Variants in MON1A observed in about 807,000 individuals in gnomAD.
The protein encoded by MON1A is MON1 vesicular trafficking associated A.
MON1A carries 29 observed loss-of-function variants against 44.6 expected under a neutral mutation model. The ratio of observed to expected loss-of-function variants is 0.65; its 90% CI spans 0.48 to 0.89. The LOEUF (loss-of-function observed/expected upper bound fraction) is 0.89, where lower values mean the gene tolerates loss of function less well. Ranked by LOEUF, MON1A falls within the 40% of genes least tolerant of loss-of-function variation. MON1A has a pLI of 0.00. For synonymous variants in MON1A, 275 were observed against 316.4 expected (o/e 0.87, Z 1.39); for missense variants, 615 against 759.6 (o/e 0.81, Z 2.24).
chr3:49,924,577 G>T, intron 1 of MON1A: 1 of 258,736 alleles, frequency 3.9e-6, no homozygotes, highest in Non-Finnish European at 8.2e-6. Flanking sequence ...TGCTTGGGAG[G>T]CTAAGGTATG....
chr3:49,923,081 T>G (rs1250525285), intron 1 of MON1A, among the ~76,000 whole-genome samples: 2 of 151,574 alleles, frequency 1.3e-5, no homozygotes, highest in Non-Finnish European at 2.9e-5. Context: ...TTTCTCACAC[T>G]TTGTAATCCC....
In MON1A at chr3:49,911,002, G is replaced by T; in HGVS notation, c.614-118C>A. 9.9e-7 allele frequency: 1 copy of T among 1,006,764 alleles called. No homozygotes were observed. The highest frequency in any genetic ancestry group is 1.4e-6 in the Non-Finnish European group (1 of 701,822). 62.4% of individuals were successfully genotyped at this position (1,006,764 alleles called of 1,614,324 possible). A position where few individuals can be genotyped will look rare whatever the true frequency, so the allele number is the denominator to read the frequency against. ...TTCCTCGCTCAGAGCTCTGCGCACA[G>T]TAGGGGTTTAAGGATGTTCAGGATA... On this transcript the variant is annotated intron_variant, in intron 3 of 5. Coordinates refer to ENST00000296473, the MANE Select transcript of MON1A (RefSeq NM_032355.4). The surrounding 1 kb of genome is among the most constrained non-coding windows in gnomAD (Gnocchi z 5.7).
intron 1 of MON1A, among the ~76,000 whole-genome samples, chr3:49,917,919 A>G (rs966902034): frequency 6.6e-6 from 1 of 151,992 alleles, no homozygotes; most frequent in Non-Finnish European, 1.5e-5. Flanking sequence ...ATGGTAGAGC[A>G]TGCTTATAAT....
rs772209896 is a variant in MON1A, at chr3:49,910,511, G to A, written c.987C>T (p.Leu329=). The change falls in exon 4 of 6, where the codon CTC becomes CTT. Residue 329 remains leucine (L), a synonymous_variant. Transcript: ENST00000296473. This position sits in a 1 kb window ranked among gnomAD's most constrained non-coding sequence, Gnocchi z 8.0. ...GGTCCTTTCGGCGCACGAGTGCCAC[G>A]AGCTGGTTGCGGGCCAGCAGGATGG... The part of the protein sequence containing the change: ...VFSILLARNQ[L]VALVRRKDQF... 12 of 1,613,854 alleles carry A rather than the reference G, an allele frequency of 7.4e-6. No individual in the cohort carries two copies. Among genetic ancestry groups the A allele is most frequent in the Non-Finnish European group, 9.3e-6 (11 of 1,179,890 alleles).
At chr3:49,920,128 C>G (rs1156375678) in intron 1 of MON1A, among the ~76,000 whole-genome samples, 1 of 152,216 alleles carries the variant, frequency 6.6e-6, no homozygotes, top group Non-Finnish European at 1.5e-5. Flanking sequence ...ATCTCACCTC[C>G]ATTACTCCAT....
At chr3:49,912,889 T>C (rs529283812) in intron 2 of MON1A, 6 of 411,956 alleles carry the variant, frequency 1.5e-5, no homozygotes, top group African/African-American at 1.2e-4. Flanking sequence ...AATTATGAAA[T>C]AATTAGTGTG....
chr3:49,923,062 C>T (rs1372616974), intron 1 of MON1A, among the ~76,000 whole-genome samples: 3 of 150,694 alleles, frequency 2.0e-5, no homozygotes, highest in Admixed American at 6.6e-5. Context: ...TGGAGTCAGC[C>T]GGGCACGGTT....
chr3:49,923,534 A>T (rs1335748101), intron 1 of MON1A, among the ~76,000 whole-genome samples: 2 of 144,812 alleles, frequency 1.4e-5, no homozygotes, highest in Non-Finnish European at 3.0e-5. Context: ...GCGCAATCTC[A>T]GCTCCACCTC....
At chr3:49,913,400 G>A (rs752225276) in intron 1 of MON1A, 41 bp from the exon 2 acceptor site, 5 of 1,579,134 alleles carry the variant, frequency 3.2e-6, no homozygotes, top group Non-Finnish European at 4.3e-6. Flanking sequence ...CTTTTGGCAG[G>A]GTCACAGGCA....
intron 1 of MON1A, among the ~76,000 whole-genome samples, chr3:49,918,857 A>G (rs1396302343): frequency 1.3e-5 from 2 of 151,872 alleles, no homozygotes; most frequent in Non-Finnish European, 2.9e-5. Flanking sequence ...TCCCTTATCC[A>G]TTACCAATAT....
intron 1 of MON1A, among the ~76,000 whole-genome samples, chr3:49,922,339 C>T (rs556051687): frequency 3.3e-5 from 5 of 150,608 alleles, no homozygotes; most frequent in Admixed American, 1.3e-4. Context: ...CCAGCTACCC[C>T]GGGAGGCTGA....
intron 1 of MON1A, among the ~76,000 whole-genome samples, chr3:49,919,367 A>G (rs962517777): frequency 6.6e-6 from 1 of 152,226 alleles, no homozygotes; most frequent in Non-Finnish European, 1.5e-5. Flanking sequence ...TTATAAAAAA[A>G]CAAACAAACC....
rs761837171 is a variant in MON1A, at chr3:49,910,672, C to T, written c.826G>A (p.Asp276Asn). Reference sequence around the variant, plus strand: ...CGTGCCATGAGCTGCAGCAGGTTGTCGGTGATGCGCTCTGAGCCCGAGAGT... The same window carrying T: ...CGTGCCATGAGCTGCAGCAGGTTGTTGGTGATGCGCTCTGAGCCCGAGAGT... The part of the protein sequence containing the change: ...RLLSGSERIT[D>N]NLLQLMARDP... The change falls in exon 4 of 6, where the codon GAC (aspartate) becomes AAC (asparagine). Residue 276 changes from aspartate to asparagine, a missense_variant. Asp to Asn is a conservative substitution (Grantham distance 23, BLOSUM62 1). Coordinates refer to ENST00000296473, the MANE Select transcript of MON1A (RefSeq NM_032355.4). The surrounding 1 kb of genome is among the most constrained non-coding windows in gnomAD (Gnocchi z 8.0). 4 of 1,608,588 alleles carry T rather than the reference C, an allele frequency of 2.5e-6. No homozygotes were observed. The highest frequency in any genetic ancestry group is 3.4e-6 in the Non-Finnish European group (4 of 1,176,980).
At chr3:49,917,913 T>C (rs2082960861) in intron 1 of MON1A, among the ~76,000 whole-genome samples, 1 of 151,574 alleles carries the variant, frequency 6.6e-6, no homozygotes, top group Non-Finnish European at 1.5e-5. Context: ...CCAGGCATGG[T>C]AGAGCATGCT....
chr3:49,910,065 C>G lies in MON1A; in HGVS notation c.1379+54G>C. 1 of 1,518,824 alleles carries G rather than the reference C, an allele frequency of 6.6e-7. No individual in the cohort carries two copies. The highest frequency in any genetic ancestry group is 8.8e-7 in the Non-Finnish European group (1 of 1,132,642). The allele number at this position is 1,518,824 out of a possible 1,614,324, so 94.1% of individuals were successfully genotyped here. On this transcript the variant is annotated intron_variant, in intron 4 of 5. Transcript: ENST00000296473. This position sits in a 1 kb window ranked among gnomAD's most constrained non-coding sequence, Gnocchi z 8.0. Reference sequence around the variant, plus strand: ...CAGAGCTCAGGACCAAACAGCCTCCCGACTCCACATGTCCCTGTCCCGCTA... The same window carrying G: ...CAGAGCTCAGGACCAAACAGCCTCCGGACTCCACATGTCCCTGTCCCGCTA...
At chr3:49,922,916 A>G (rs180841300) in intron 1 of MON1A, among the ~76,000 whole-genome samples, 3 of 151,034 alleles carry the variant, frequency 2.0e-5, no homozygotes, top group African/African-American at 7.3e-5. Context: ...TCACCATGTT[A>G]GCCAGGCTGG....
chr3:49,910,440 C>A lies in MON1A; in HGVS notation c.1058G>T (p.Ser353Ile). 6.2e-7 allele frequency: 1 copy of A among 1,614,240 alleles called. No homozygotes were observed. Among genetic ancestry groups the A allele is most frequent in the Non-Finnish European group, 8.5e-7 (1 of 1,180,046 alleles). Residue 353 changes from serine to isoleucine, a missense_variant, in exon 4 of 6, where the codon AGT becomes ATT. Coordinates refer to ENST00000296473, the MANE Select transcript of MON1A (RefSeq NM_032355.4). This position sits in a 1 kb window ranked among gnomAD's most constrained non-coding sequence, Gnocchi z 8.0. Reference protein sequence around the residue: ...IDLHLLFNLISSSSSFREGEA... With the variant: ...IDLHLLFNLIISSSSFREGEA... ...GCCCTCGCGAAAGGACGAGGAGGAA[C>A]TAATGAGGTTGAAGAGCAGGTGCAG...
intron 1 of MON1A, 143 bp from the exon 2 acceptor site, chr3:49,913,502 C>CA: frequency 1.4e-6 from 1 of 725,786 alleles, no homozygotes; most frequent in Non-Finnish European, 2.2e-6. Flanking sequence ...GAATTCCTTT[C>CA]AAAAAAATAT....
chr3:49,918,221 A>C (rs34694381), intron 1 of MON1A, among the ~76,000 whole-genome samples: 2 of 151,612 alleles, frequency 1.3e-5, no homozygotes, highest in Non-Finnish European at 2.9e-5. Context: ...CTTGTAATCC[A>C]AGCTACTTGG....
Sources: allele counts gnomAD v4.1 joint callset (sites outside exome capture counted in the v4.1 genomes callset), GRCh38; gene constraint gnomAD v4.1.1; non-coding constraint Gnocchi (gnomAD v3.1); transcripts MANE v1.5; gene names NCBI Gene and HGNC (gene_info 2026-07-23, HGNC 2026-07-21).